RNF123: variants seen among roughly 807,000 people sequenced by gnomAD.
RNF123 encodes E3 ubiquitin-protein ligase RNF123.
RNF123 carries 86 observed loss-of-function variants against 168.5 expected under a neutral mutation model. That is an observed-to-expected ratio of 0.51 (90% CI 0.43 to 0.61). RNF123 has a LOEUF of 0.61. Among genes scored for constraint, RNF123 ranks in the 20% least tolerant of loss-of-function variants. The pLI, the probability that RNF123 is intolerant of heterozygous loss-of-function variation, is 0.00. For synonymous variants in RNF123, 666 were observed against 689.1 expected (o/e 0.97, Z 0.52); for missense variants, 1,419 against 1,729.7 (o/e 0.82, Z 3.19).
chr3:49,707,407 T>C (rs1445027034), intron 26 of RNF123, among the ~76,000 whole-genome samples: 1 of 152,142 alleles, frequency 6.6e-6, no homozygotes, highest in East Asian at 1.9e-4. Context: ...CATTAATAAG[T>C]CAGAAAGATG....
At chr3:49,702,873 T>C (rs2054434282) in intron 20 of RNF123, 120 bp downstream of exon 20, 8 of 1,468,802 alleles carry the variant, frequency 5.4e-6, no homozygotes, top group Non-Finnish European at 6.5e-6. Context: ...GTCCCCGGCA[T>C]CCTGCCTGGT....
intron 28 of RNF123, 59 bp downstream of exon 28, chr3:49,713,646 C>CT: frequency 6.3e-7 from 1 of 1,580,094 alleles, no homozygotes; most frequent in Non-Finnish European, 8.6e-7. Flanking sequence ...CTCTGGTCGG[C>CT]TTTCTTCTAT....
intron 35 of RNF123, 114 bp from the exon 36 acceptor site, chr3:49,720,397 G>A: frequency 2.8e-6 from 3 of 1,072,292 alleles, no homozygotes; most frequent in Non-Finnish European, 3.8e-6. Context: ...AGACGGAAAG[G>A]ATGCAGGGGG....
Position 49,721,376 on chromosome 3 carries a change from C to T in RNF123, c.*71C>T, listed in dbSNP as rs1275086320. On this transcript the variant is annotated 3_prime_UTR_variant, in exon 39 of 39. Coordinates refer to ENST00000327697, the MANE Select transcript of RNF123 (RefSeq NM_022064.5). ...AGCCAGGCTGGGCCCTATTTATGAG[C>T]TCCCTTTGCCCTTCTCCTGTATCCC... 1 of 1,594,716 alleles carries T rather than the reference C, an allele frequency of 6.3e-7. No individual in the cohort carries two copies. Among genetic ancestry groups the T allele is most frequent in the Non-Finnish European group, 8.6e-7 (1 of 1,162,736 alleles).
At chr3:49,698,550 C>A in intron 8 of RNF123, 24 bp downstream of exon 8, 2 of 1,610,192 alleles carry the variant, frequency 1.2e-6, no homozygotes, top group South Asian at 2.2e-5. Flanking sequence ...CCCTGTGGGT[C>A]ATCCGCCCCA....
chr3:49,718,977 GT>G, intron 35 of RNF123: 1 of 1,613,824 alleles, frequency 6.2e-7, no homozygotes, highest in Non-Finnish European at 8.5e-7. Context: ...TGCAGCCCAG[GT>G]AGAGATGGCT....
intron 26 of RNF123, among the ~76,000 whole-genome samples, chr3:49,710,532 G>A (rs555699933): frequency 4.1e-4 from 63 of 152,224 alleles, no homozygotes; most frequent in African/African-American, 1.4e-3. Context: ...CGCCTGCCTC[G>A]GCCTCCCAAA....
At position 49,702,714 on chromosome 3, in the gene RNF123, G is replaced by C; in HGVS notation, c.1711G>C (p.Glu571Gln). The C allele has an allele frequency of 6.2e-7, 1 of 1,614,256 alleles. No individual in the cohort carries two copies. Among genetic ancestry groups the C allele is most frequent in the Non-Finnish European group, 8.5e-7 (1 of 1,180,034 alleles). The change falls in exon 20 of 39, where the codon GAA becomes CAA. Residue 571 changes from glutamate (E) to glutamine (Q), a missense_variant. Physicochemically the swap from Glu to Gln is conservative, Grantham distance 29. Around this residue, in one of 5 missense-constraint regions of RNF123, gnomAD observed 349 missense variants for 344.9 expected, o/e 1.01. Coordinates refer to ENST00000327697, the MANE Select transcript of RNF123 (RefSeq NM_022064.5). ...LISALRYYWDEYKASNPHASF... is the reference protein window; with the variant it reads ...LISALRYYWDQYKASNPHASF... ...CTCTGCCCTGCGCTACTATTGGGAT[G>C]AATACAAGGCTTCCAATCCTCATGC...
At chr3:49,700,399 T>C (rs377689362) in intron 13 of RNF123, 47 bp downstream of exon 13, 13 of 1,612,748 alleles carry the variant, frequency 8.1e-6, no homozygotes, top group Admixed American at 6.7e-5. Context: ...CAGTCTTCAC[T>C]GGGGTCGGGA....
rs2054417121 is a variant in RNF123, at chr3:49,702,243, G to A, written c.1558-91G>A. Reference sequence around the variant, plus strand: ...GTGGGAACTGGGTTTGGTTCCCATGGCAGGGGCTGGGGGAAGGTGCAGCAC... The same window carrying A: ...GTGGGAACTGGGTTTGGTTCCCATGACAGGGGCTGGGGGAAGGTGCAGCAC... On this transcript the variant is annotated intron_variant, in intron 18 of 38. Transcript: ENST00000327697. 3.8e-6 allele frequency: 6 copies of A among 1,588,906 alleles called. No homozygotes were observed. The South Asian group carries it at 5.5e-5, about 15-fold the overall frequency.
chr3:49,715,552 T>C, intron 31 of RNF123, 23 bp from the exon 32 acceptor site: 1 of 1,613,312 alleles, frequency 6.2e-7, no homozygotes, highest in Non-Finnish European at 8.5e-7. Context: ...TCCCTGATGA[T>C]GCCGCCTCCT....
In RNF123 at chr3:49,719,122, T is replaced by G. The variant is rs181529239; in HGVS notation, c.3501-1389T>G. On this transcript the variant is annotated intron_variant, in intron 35 of 38. Coordinates refer to ENST00000327697, the MANE Select transcript of RNF123 (RefSeq NM_022064.5). ...CGCCCGCAACGTGTTAGATGATAGA[T>G]CGAGCAGCCTCAGGCCGCTGGCGTT... The G allele has an allele frequency of 1.1e-5, 17 of 1,613,484 alleles. No homozygotes were observed. The East Asian group carries it at 3.8e-4, about 36-fold the overall frequency.
At chr3:49,697,647 GT>G (rs1260563058) in intron 5 of RNF123, among the ~76,000 whole-genome samples, 190 bp downstream of exon 5, 1 of 152,176 alleles carries the variant, frequency 6.6e-6, no homozygotes. Flanking sequence ...CAGTCTTGAT[GT>G]GGACTCAGCC....
At chr3:49,698,653 T>C (rs531462045) in intron 8 of RNF123, 102 bp from the exon 9 acceptor site, 36 of 1,537,204 alleles carry the variant, frequency 2.3e-5, no homozygotes, top group Admixed American at 1.2e-4. Flanking sequence ...CCTTTGTCCT[T>C]GTGGCTAGTC....
rs1009906593 is a variant in RNF123 at position 49,707,958 on chromosome 3, C to T, written c.2496+1060C>T. Among the ~76,000 whole-genome samples the T allele has an allele frequency of 3.2e-4, 49 of 151,868 alleles. 1 individual carries two copies. The highest frequency in any genetic ancestry group is 1.5e-5 in the Non-Finnish European group (1 of 67,988). On this transcript the variant is annotated intron_variant, in intron 26 of 38. Transcript: ENST00000327697. ...AAAATATGTGTGACATAAAATGTAC[C>T]ATCCTAGCTGTGTTTTTTTTGTTTT...
chr3:49,691,172 T>A lies in RNF123; in HGVS notation c.7T>A (p.Ser3Thr). The A allele has an allele frequency of 2.5e-6, 4 of 1,613,778 alleles. No individual in the cohort carries two copies. The East Asian group carries it at 8.9e-5, about 36-fold the overall frequency. Reference protein sequence around the residue: MASKGAGMSFSRK... With the variant: MATKGAGMSFSRK... Reference sequence around the variant, plus strand: ...TGCCCATGAGAGATGAAGGATGGCATCCAAGGGGGCCGGCATGTCTTTCTC... The same window carrying A: ...TGCCCATGAGAGATGAAGGATGGCAACCAAGGGGGCCGGCATGTCTTTCTC... The change falls in exon 2 of 39, where the codon TCC (serine) becomes ACC (threonine). Residue 3 changes from serine (S) to threonine (T), a missense_variant. Transcript: ENST00000327697.
intron 1 of RNF123, chr3:49,689,858 G>T (rs2054082333): frequency 6.6e-6 from 1 of 152,242 alleles, no homozygotes; most frequent in Admixed American, 6.5e-5. Context: ...CCCCGGCGGG[G>T]TTGGACGGGA....
chr3:49,716,245 G>A, intron 34 of RNF123, 68 bp downstream of exon 34: 1 of 1,581,866 alleles, frequency 6.3e-7, no homozygotes, highest in Non-Finnish European at 8.7e-7. Flanking sequence ...GAACAGTGAG[G>A]CCTGATTCCA....
chr3:49,693,891 CG>C (rs1228989775), intron 3 of RNF123, among the ~76,000 whole-genome samples: 2 of 152,120 alleles, frequency 1.3e-5, no homozygotes, highest in African/African-American at 4.8e-5. Context: ...GTTTACCATT[CG>C]TATGTCTTCT....
Sources: allele counts gnomAD v4.1 joint callset (sites outside exome capture counted in the v4.1 genomes callset), GRCh38; gene constraint gnomAD v4.1.1; regional missense constraint gnomAD v4.1.1; transcripts MANE v1.5; gene names NCBI Gene and HGNC (gene_info 2026-07-23, HGNC 2026-07-21).